The following HK1 variants were observed in gnomAD, a reference collection of about 807,000 sequenced individuals.
HK1 encodes the protein hexokinase-1.
In HK1, 28 loss-of-function variants were observed where a neutral mutation model predicts 91.6. The ratio of observed to expected loss-of-function variants is 0.31; its 90% CI spans 0.23 to 0.42. The LOEUF is 0.42. Ranked by LOEUF, HK1 falls within the 10% of genes least tolerant of loss-of-function variation. The pLI, the probability that HK1 is intolerant of heterozygous loss-of-function variation, is 1.00. For missense variants in HK1, 770 were observed against 1,219.8 expected (o/e 0.63, Z 5.49); for synonymous variants, 430 against 468.1 (o/e 0.92, Z 1.05).
chr10:69,375,112 T>C (rs756820135), intron 7 of HK1, among the ~76,000 whole-genome samples: 16 of 152,208 alleles, frequency 1.1e-4, no homozygotes, highest in Non-Finnish European at 2.4e-4. Context: ...GTGCCTCTGT[T>C]TCCTCATCCG....
At chr10:69,344,108 C>A in intron 2 of HK1, 119 bp downstream of exon 2, 1 of 1,034,724 alleles carries the variant, frequency 9.7e-7, no homozygotes, top group Non-Finnish European at 1.5e-6. Flanking sequence ...TCAATCTGCT[C>A]TCCCATCCAT....
upstream of HK1, among the ~76,000 whole-genome samples, chr10:69,314,635 C>T (rs1305014602): frequency 6.6e-6 from 1 of 151,172 alleles, no homozygotes; most frequent in African/African-American, 2.4e-5. Flanking sequence ...TCTTTTTCTT[C>T]TTTCCTTTTC....
chr10:69,331,188 C>T (rs1224159944), intron 1 of HK1, among the ~76,000 whole-genome samples: 1 of 152,190 alleles, frequency 6.6e-6, no homozygotes, highest in African/African-American at 2.4e-5. Flanking sequence ...CCAGAGTTAC[C>T]TGTTTCTTTG....
intron 1 of HK1, among the ~76,000 whole-genome samples, chr10:69,341,213 G>T (rs1231154868): frequency 6.6e-6 from 1 of 151,744 alleles, no homozygotes. Context: ...CCAGGCTGGG[G>T]TACAGTGGCA....
At chr10:69,288,601 A>G in intron 2 of HK1, 1 of 797,288 alleles carries the variant, frequency 1.3e-6, no homozygotes, top group South Asian at 1.3e-5. Flanking sequence ...TTAGCTTCCT[A>G]ATTGGTGAGG....
intron 1 of HK1, among the ~76,000 whole-genome samples, chr10:69,280,212 C>T (rs923584234): frequency 2.6e-5 from 4 of 152,078 alleles, no homozygotes; most frequent in Non-Finnish European, 4.4e-5. Flanking sequence ...CCTGGGCTCA[C>T]GCCATTCTCC....
At chr10:69,384,541 C>CA in intron 11 of HK1, 60 bp downstream of exon 11, 1 of 1,604,500 alleles carries the variant, frequency 6.2e-7, no homozygotes, top group Non-Finnish European at 8.5e-7. Flanking sequence ...CACCGGCAGT[C>CA]ACGTGATGAC....
chr10:69,349,717 C>T (rs1589523243), intron 2 of HK1, among the ~76,000 whole-genome samples: 1 of 152,308 alleles, frequency 6.6e-6, no homozygotes, highest in African/African-American at 2.4e-5. Context: ...GACACGACAG[C>T]TCTGAATCAG....
intron 4 of HK1, among the ~76,000 whole-genome samples, chr10:69,366,951 A>C (rs1291344690): frequency 1.3e-5 from 2 of 152,170 alleles, no homozygotes; most frequent in Non-Finnish European, 2.9e-5. Flanking sequence ...CCTGGGAGAG[A>C]ATGGCCAGAG....
chr10:69,356,882 CAAAAAAA>C (rs778360296), intron 2 of HK1, among the ~76,000 whole-genome samples: 2 of 62,044 alleles, frequency 3.2e-5, no homozygotes, highest in Non-Finnish European at 6.1e-5. Flanking sequence ...AACTCCATCT[CAAAAAAA>C]AAAAAAAAAA....
At chr10:69,388,867 G>T (rs1839767881) in intron 13 of HK1, among the ~76,000 whole-genome samples, 1 of 151,994 alleles carries the variant, frequency 6.6e-6, no homozygotes, top group Non-Finnish European at 1.5e-5. Context: ...TTTGCCCTCT[G>T]AAAGGCCATA....
chr10:69,353,158 C>G (rs770461722), intron 2 of HK1, among the ~76,000 whole-genome samples: 1 of 152,146 alleles, frequency 6.6e-6, no homozygotes, highest in Admixed American at 6.6e-5. Flanking sequence ...CAGGGGGAAC[C>G]AACCATGTGA....
intron 5 of HK1, among the ~76,000 whole-genome samples, chr10:69,368,985 A>G (rs1054734581): frequency 6.6e-6 from 1 of 152,176 alleles, no homozygotes; most frequent in Non-Finnish European, 1.5e-5. Context: ...TTGCAGAGGA[A>G]TGTAGCTCCA....
At chr10:69,296,140 C>T (rs919842478) in intron 4 of HK1, 5 of 196,012 alleles carry the variant, frequency 2.6e-5, no homozygotes, top group African/African-American at 7.0e-5. Flanking sequence ...TCCCATTTAG[C>T]CCCAAATCAA....
chr10:69,275,385 AT>A (rs748882475), intron 1 of HK1, among the ~76,000 whole-genome samples: 74 of 147,406 alleles, frequency 5.0e-4, no homozygotes, highest in African/African-American at 1.1e-3. Flanking sequence ...AAAAAATAAA[AT>A]TTAAAAAAAA....
intron 5 of HK1, among the ~76,000 whole-genome samples, chr10:69,306,558 G>T (rs1454341181): frequency 6.6e-6 from 1 of 152,088 alleles, no homozygotes; most frequent in African/African-American, 2.4e-5. Flanking sequence ...GAGGGTGGAG[G>T]AACAGTCAGC....
intron 5 of HK1, among the ~76,000 whole-genome samples, chr10:69,309,546 A>C (rs1343840319): frequency 6.8e-6 from 1 of 146,128 alleles, no homozygotes; most frequent in Non-Finnish European, 1.5e-5. Flanking sequence ...TCATGCCTGT[A>C]ATCCCAGCGC....
At position 69,344,070 on chromosome 10, in the gene HK1, T is replaced by C. The variant is rs1848428966; in HGVS notation, c.226+81T>C. 2.2e-5 allele frequency: 31 copies of C among 1,424,838 alleles called. 1 individual carries two copies. The South Asian group carries it at 3.5e-4, about 16-fold the overall frequency. 88.3% of individuals were successfully genotyped at this position (1,424,838 alleles called of 1,614,324 possible). ...CCTTCTAACTTCATTTGTTCATACA[T>C]TTGCTCATTCATTCATTCACCATTC... is the stretch of plus-strand genomic sequence containing the variant. On this transcript the variant is annotated intron_variant, in intron 2 of 17. Transcript: ENST00000359426.
chr10:69,338,563 A>G (rs894429440), intron 1 of HK1: 78 of 1,289,404 alleles, frequency 6.0e-5, no homozygotes, highest in Non-Finnish European at 6.2e-5. Context: ...GTCCTCCCCA[A>G]CTCCCAAATG....
Sources: gnomAD v4.1 joint callset for allele counts (sites outside exome capture counted in the v4.1 genomes callset) on GRCh38, gnomAD v4.1.1 for gene constraint, MANE v1.5 for transcripts, NCBI Gene and HGNC (gene_info 2026-07-23, HGNC 2026-07-21) for gene names.